Variants in LRRK1 observed in about 807,000 individuals in gnomAD.
The protein encoded by LRRK1 is leucine rich repeat kinase 1.
LRRK1 carries 113 observed loss-of-function variants against 209.1 expected under a neutral mutation model. The observed-to-expected ratio is 0.54, with a 90% CI of 0.46 to 0.63. LRRK1 has a LOEUF of 0.63. Ranked by LOEUF, LRRK1 falls within the 30% of genes least tolerant of loss-of-function variation. LRRK1 has a pLI of 0.00. For missense variants in LRRK1, 2,284 were observed against 2,632.2 expected (o/e 0.87, Z 2.89); for synonymous variants, 1,144 against 1,099.7 (o/e 1.04, Z -0.80).
intron 2 of LRRK1, among the ~76,000 whole-genome samples, chr15:100,962,823 A>ATATATATATTTTTT: frequency 1.7e-4 from 2 of 11,548 alleles, no homozygotes; most frequent in South Asian, 3.2e-3. Context: ...ATATATATAT[A>ATATATATATTTTTT]TTTTTTTTTT....
rs558609100 is a variant in LRRK1, at chr15:101,027,587, C to T, written c.2527-51C>T. Reference sequence around the variant, plus strand: ...GCCGGGCAGGATCTGCCCAAGCTGGCAGGTGTGCCTTGGGACCTGAGAGAC... The same window carrying T: ...GCCGGGCAGGATCTGCCCAAGCTGGTAGGTGTGCCTTGGGACCTGAGAGAC... On this transcript the variant is annotated intron_variant, in intron 18 of 33. Transcript: ENST00000388948. This position sits in a 1 kb window ranked among gnomAD's most constrained non-coding sequence, Gnocchi z 5.1. The T allele has an allele frequency of 1.9e-6, 3 of 1,587,728 alleles. No homozygotes were observed. The highest frequency in any genetic ancestry group is 2.7e-5 in the African/African-American group (2 of 74,638).
In LRRK1 at chr15:101,024,672, C is replaced by T; in HGVS notation, c.2068-131C>T. ...TGTTTCCTAAGAAACAATAGAGTGT[C>T]CAGAACTTTTCCACGGTTGTTTTTT... On this transcript the variant is annotated intron_variant, in intron 15 of 33. Transcript: ENST00000388948. The surrounding 1 kb of genome is among the most constrained non-coding windows in gnomAD (Gnocchi z 4.6). The T allele has an allele frequency of 2.0e-6, 2 of 980,080 alleles. No homozygotes were observed. Among genetic ancestry groups the T allele is most frequent in the South Asian group, 3.2e-5 (2 of 62,860 alleles). 60.7% of individuals were successfully genotyped at this position (980,080 alleles called of 1,614,324 possible).
intron 21 of LRRK1, 22 bp from the exon 22 acceptor site, chr15:101,048,472 G>C: frequency 6.3e-7 from 1 of 1,597,858 alleles, no homozygotes; most frequent in South Asian, 1.1e-5. Context: ...TACTTAAGCA[G>C]GGTCTTTTCT....
intron 6 of LRRK1, among the ~76,000 whole-genome samples, chr15:100,998,129 G>A (rs747665522): frequency 3.3e-5 from 5 of 150,624 alleles, no homozygotes; most frequent in Non-Finnish European, 4.4e-5. Context: ...GCAGTGAGCC[G>A]AGATAGTGCC....
intron 3 of LRRK1, among the ~76,000 whole-genome samples, chr15:100,980,941 G>A (rs1051970023): frequency 6.6e-6 from 1 of 152,196 alleles, no homozygotes; most frequent in South Asian, 2.1e-4. Flanking sequence ...TTTTCTGCAG[G>A]TGTGCAGGTG....
At chr15:100,962,908 C>G (rs2030172992) in intron 2 of LRRK1, among the ~76,000 whole-genome samples, 1 of 141,776 alleles carries the variant, frequency 7.1e-6, no homozygotes, top group Admixed American at 7.2e-5. Flanking sequence ...ACCACAACCT[C>G]TACCTCCCGA....
At chr15:101,034,231 C>T (rs8023514) in intron 20 of LRRK1, among the ~76,000 whole-genome samples, 71,315 of 152,060 alleles carry the variant, frequency 0.47, 16,679 homozygotes, top group Middle Eastern at 0.51. Flanking sequence ...TAATTGTTTC[C>T]TATGCAGTGA....
At chr15:101,026,904 C>A (rs895201784) in intron 17 of LRRK1, among the ~76,000 whole-genome samples, 2 of 152,090 alleles carry the variant, frequency 1.3e-5, no homozygotes, top group African/African-American at 4.8e-5. Context: ...TTGAGAAAGT[C>A]CCATGGGGTC....
At chr15:100,984,289 A>G (rs2031755475) in intron 4 of LRRK1, among the ~76,000 whole-genome samples, 1 of 152,220 alleles carries the variant, frequency 6.6e-6, no homozygotes, top group Non-Finnish European at 1.5e-5. Flanking sequence ...GACATTTGTG[A>G]CAACTGATCA....
chr15:100,926,602 G>GT (rs995752880), intron 2 of LRRK1, among the ~76,000 whole-genome samples: 1 of 151,112 alleles, frequency 6.6e-6, no homozygotes, highest in South Asian at 2.1e-4. Flanking sequence ...TTGGGGCAGG[G>GT]GGGCGGGGAG....
chr15:100,946,892 A>C (rs2042548606), intron 2 of LRRK1, among the ~76,000 whole-genome samples: 1 of 152,236 alleles, frequency 6.6e-6, no homozygotes, highest in South Asian at 2.1e-4. Flanking sequence ...TATTTTCAAC[A>C]CAGATTCCAA....
At chr15:101,000,361 A>G (rs12908197) in intron 6 of LRRK1, among the ~76,000 whole-genome samples, 83,486 of 152,136 alleles carry the variant, frequency 0.55, 24,669 homozygotes, top group African/African-American at 0.79. Context: ...CTGTGTGATC[A>G]TGACCATAAT....
rs1414732689 is a variant in LRRK1 at position 101,068,725 on chromosome 15, A to C, written c.5925A>C (p.Glu1975Asp). The C allele has an allele frequency of 6.2e-7, 1 of 1,613,536 alleles. No individual in the cohort carries two copies. Among genetic ancestry groups the C allele is most frequent in the South Asian group, 1.1e-5 (1 of 91,000 alleles). ...AGGACACTGTTGTGTGCACCTTTGA[A>C]AATGAAAACACAGAGTGGTGCCTGG... is the stretch of plus-strand genomic sequence containing the variant. ...VAKDTVVCTF[E>D]NENTEWCLAV... The change falls in exon 34 of 34, where the codon GAA (glutamate) becomes GAC (aspartate). Residue 1975 changes from glutamate to aspartate, a missense_variant. Physicochemically the swap from Glu to Asp is conservative, Grantham distance 45. Transcript: ENST00000388948.
intron 27 of LRRK1, among the ~76,000 whole-genome samples, chr15:101,055,502 G>C (rs554521892): frequency 3.9e-5 from 6 of 152,298 alleles, no homozygotes; most frequent in Non-Finnish European, 8.8e-5. Flanking sequence ...CAGATGAAGA[G>C]TCCAAGAGAG....
At chr15:100,961,447 G>A (rs1015745153) in intron 2 of LRRK1, among the ~76,000 whole-genome samples, 1 of 152,122 alleles carries the variant, frequency 6.6e-6, no homozygotes, top group African/African-American at 2.4e-5. Flanking sequence ...GAGGTCAAGC[G>A]ATCAAGACCA....
intron 20 of LRRK1, among the ~76,000 whole-genome samples, 192 bp downstream of exon 20, chr15:101,029,424 C>T (rs540244047): frequency 2.0e-5 from 3 of 149,536 alleles, no homozygotes; most frequent in African/African-American, 7.7e-5. Context: ...CACGGCTGGC[C>T]GCTCCCTCCT....
rs142868802 is a variant in LRRK1 at position 101,010,908 on chromosome 15, A to G, written c.1281+71A>G. The G allele has an allele frequency of 1.1e-3, 1,588 of 1,408,132 alleles. 14 individuals carry two copies. The African/African-American group carries it at 0.021, about 19-fold the overall frequency. 87.2% of individuals were successfully genotyped at this position (1,408,132 alleles called of 1,614,324 possible). On this transcript the variant is annotated intron_variant, in intron 9 of 33. Coordinates refer to ENST00000388948, the MANE Select transcript of LRRK1 (RefSeq NM_024652.6). ...TCTCAGCTGGCCTCAGAGAGCCCTC[A>G]GGTGCATTATGTCAGTTCATCCCCT...
At chr15:100,973,092 C>A (rs2031032342) in intron 2 of LRRK1, among the ~76,000 whole-genome samples, 1 of 152,236 alleles carries the variant, frequency 6.6e-6, no homozygotes, top group South Asian at 2.1e-4. Context: ...CTGCACCCAG[C>A]GAGGGCTCGG....
intron 2 of LRRK1, among the ~76,000 whole-genome samples, chr15:100,950,902 G>A (rs534091734): frequency 9.2e-5 from 14 of 152,340 alleles, no homozygotes; most frequent in South Asian, 4.1e-4. Flanking sequence ...AGGAGATCGA[G>A]ACCATCCTGG....
Sources: gnomAD v4.1 joint callset for allele counts (sites outside exome capture counted in the v4.1 genomes callset) on GRCh38, gnomAD v4.1.1 for gene constraint, Gnocchi (gnomAD v3.1) non-coding constraint, MANE v1.5 for transcripts, NCBI Gene and HGNC (gene_info 2026-07-23, HGNC 2026-07-21) for gene names.